PPM1L: variants seen among roughly 807,000 people sequenced by gnomAD.
PPM1L encodes the protein protein phosphatase 1L.
PPM1L carries 13 observed loss-of-function variants against 31.4 expected under a neutral mutation model. That is an observed-to-expected ratio of 0.41 (90% CI 0.27 to 0.66). The LOEUF (loss-of-function observed/expected upper bound fraction) is 0.66, where lower values mean the gene tolerates loss of function less well. Among genes scored for constraint, PPM1L ranks in the 30% least tolerant of loss-of-function variants. PPM1L has a pLI of 0.29. For missense variants in PPM1L, 326 were observed against 453.7 expected (o/e 0.72, Z 2.56); for synonymous variants, 184 against 175.4 (o/e 1.05, Z -0.39).
At chr3:160,772,236 C>T (rs1345419830) in intron 1 of PPM1L, among the ~76,000 whole-genome samples, 2 of 152,166 alleles carry the variant, frequency 1.3e-5, no homozygotes, top group East Asian at 3.9e-4. Flanking sequence ...CATGAAACTA[C>T]ACAGAGACAG....
At chr3:160,759,010 T>C (rs1372274586) in intron 1 of PPM1L, among the ~76,000 whole-genome samples, 1 of 152,242 alleles carries the variant, frequency 6.6e-6, no homozygotes, top group Non-Finnish European at 1.5e-5. Context: ...AGTTACTTAA[T>C]TGCTATTGGG....
chr3:160,881,147 A>G (rs989314383), intron 1 of PPM1L, among the ~76,000 whole-genome samples: 23 of 152,350 alleles, frequency 1.5e-4, no homozygotes, highest in African/African-American at 5.1e-4. Flanking sequence ...TTGCATACCT[A>G]TATTTAGGCA....
intron 1 of PPM1L, among the ~76,000 whole-genome samples, chr3:160,936,241 C>G (rs1386079389): frequency 1.3e-5 from 2 of 152,070 alleles, no homozygotes; most frequent in African/African-American, 4.8e-5. Flanking sequence ...AGGTGCCCAC[C>G]ACCACGCCCG....
chr3:160,849,431 T>A (rs981235903), intron 1 of PPM1L, among the ~76,000 whole-genome samples: 5 of 151,608 alleles, frequency 3.3e-5, no homozygotes, highest in African/African-American at 1.2e-4. Flanking sequence ...TTTTTTTTTT[T>A]AAGATGGAGT....
At chr3:160,869,266 G>A (rs1712211767) in intron 1 of PPM1L, among the ~76,000 whole-genome samples, 1 of 152,134 alleles carries the variant, frequency 6.6e-6, no homozygotes, top group Non-Finnish European at 1.5e-5. Flanking sequence ...ACTTTTAGGA[G>A]CAGCAGCGTA....
At chr3:161,030,280 A>T (rs9822435) in intron 2 of PPM1L, among the ~76,000 whole-genome samples, 41,046 of 151,938 alleles carry the variant, frequency 0.27, 5,922 homozygotes, top group East Asian at 0.57. Flanking sequence ...TTGCTCTTTT[A>T]TGTCTTCGCC....
chr3:160,800,755 T>C (rs1712400154), intron 1 of PPM1L, among the ~76,000 whole-genome samples: 1 of 152,218 alleles, frequency 6.6e-6, no homozygotes, highest in African/African-American at 2.4e-5. Context: ...CCTCTGATTC[T>C]GCACCTAGGC....
At chr3:161,032,753 C>T (rs1718609689) in intron 2 of PPM1L, among the ~76,000 whole-genome samples, 1 of 150,806 alleles carries the variant, frequency 6.6e-6, no homozygotes, top group Non-Finnish European at 1.5e-5. Flanking sequence ...AGTGCAATGG[C>T]ATGATCTCAG....
chr3:160,970,787 A>ATTTTTTTTTTTTTTTTTT (rs71628437), intron 2 of PPM1L, among the ~76,000 whole-genome samples: 2 of 97,196 alleles, frequency 2.1e-5, no homozygotes, highest in African/African-American at 8.9e-5. Flanking sequence ...TTCAGTTATA[A>ATTTTTTTTTTTTTTTTTT]TTTTTTTTTT....
At chr3:160,817,102 A>C (rs1713020609) in intron 1 of PPM1L, among the ~76,000 whole-genome samples, 1 of 152,104 alleles carries the variant, frequency 6.6e-6, no homozygotes, top group African/African-American at 2.4e-5. Context: ...ACAAAAAGGA[A>C]GCTGTAGATA....
At chr3:160,985,978 A>ACC (rs60857659) in intron 2 of PPM1L, among the ~76,000 whole-genome samples, 11,221 of 59,406 alleles carry the variant, frequency 0.19, 605 homozygotes, top group African/African-American at 0.26. Context: ...CTCTCCACCC[A>ACC]CCCAAAAAAA....
Position 160,944,802 on chromosome 3 carries a change from C to CATATT in PPM1L, c.400-16930_400-16929insTATAT, listed in dbSNP as rs1553748136. The stretch of plus-strand genomic sequence containing the variant: ...ATTATATTATATATGTTATATATAA[C>CATATT]ATATATAACATATATATGTTATATA... On this transcript the variant is annotated intron_variant, in intron 1 of 3. Transcript: ENST00000498165. Among the ~76,000 whole-genome samples, 17 of 14,336 alleles carry CATATT rather than the reference C, an allele frequency of 1.2e-3. 1 individual carries two copies. The highest frequency in any genetic ancestry group is 2.4e-3 in the African/African-American group (16 of 6,634). 9.4% of individuals were successfully genotyped at this position (14,336 alleles called of 152,430 possible). A position where few individuals can be genotyped will look rare whatever the true frequency, so the allele number is the denominator to read the frequency against.
chr3:160,873,638 C>A (rs902459256), intron 1 of PPM1L, among the ~76,000 whole-genome samples: 1 of 152,112 alleles, frequency 6.6e-6, no homozygotes, highest in African/African-American at 2.4e-5. Context: ...ACCTCTGTCC[C>A]CCGGGTTCAA....
intron 1 of PPM1L, among the ~76,000 whole-genome samples, chr3:160,896,012 A>G (rs1037633879): frequency 6.6e-6 from 1 of 151,974 alleles, no homozygotes; most frequent in Non-Finnish European, 1.5e-5. Flanking sequence ...ATGTTCATTT[A>G]TTTTTTACTT....
chr3:161,007,379 A>C (rs1717749499), intron 2 of PPM1L, among the ~76,000 whole-genome samples: 1 of 152,238 alleles, frequency 6.6e-6, no homozygotes, highest in African/African-American at 2.4e-5. Flanking sequence ...TGTGTTTCAC[A>C]TAGAGGGACC....
rs1221390288 is a variant in PPM1L at position 160,920,629 on chromosome 3, ACACACACACT to A, written c.400-41097_400-41088del. Among the ~76,000 whole-genome samples the A allele has an allele frequency of 4.1e-3, 517 of 125,786 alleles. 4 individuals are homozygous for A. The highest frequency in any genetic ancestry group is 9.8e-3 in the African/African-American group (326 of 33,158). The allele number at this position is 125,786 out of a possible 152,430, so 82.5% of individuals were successfully genotyped here. A position where few individuals can be genotyped will look rare whatever the true frequency, so the allele number is the denominator to read the frequency against. ...CTCTCTCTCTCTCACACACACACAC[ACACACACACT>A]CACACACACACACACACACACACAC... On this transcript the variant is annotated intron_variant, in intron 1 of 3. Coordinates refer to ENST00000498165, the MANE Select transcript of PPM1L (RefSeq NM_139245.4).
chr3:160,774,001 A>G (rs748144449), intron 1 of PPM1L, among the ~76,000 whole-genome samples: 6 of 152,152 alleles, frequency 3.9e-5, no homozygotes, highest in Non-Finnish European at 8.8e-5. Flanking sequence ...TGGAGCTTCT[A>G]TGGATTCAGC....
chr3:160,980,671 AGAAAGAAG>A (rs1370728422), intron 2 of PPM1L, among the ~76,000 whole-genome samples: 19 of 150,358 alleles, frequency 1.3e-4, no homozygotes, highest in South Asian at 2.1e-4. Context: ...TTGGAAAGAA[AGAAAGAAG>A]GAAAGAAGGA....
chr3:160,914,726 T>C (rs1241776792), intron 1 of PPM1L, among the ~76,000 whole-genome samples: 1 of 152,144 alleles, frequency 6.6e-6, no homozygotes, highest in Non-Finnish European at 1.5e-5. Context: ...TCTTTGCTAT[T>C]GTGAATAGTG....
Sources: gnomAD v4.1 joint callset for allele counts (sites outside exome capture counted in the v4.1 genomes callset) on GRCh38, gnomAD v4.1.1 for gene constraint, MANE v1.5 for transcripts, NCBI Gene and HGNC (gene_info 2026-07-23, HGNC 2026-07-21) for gene names.